Variants in CCDC30 observed in about 807,000 individuals in gnomAD.
CCDC30 encodes the protein coiled-coil domain containing 30.
CCDC30 carries 70 observed loss-of-function variants against 100.2 expected under a neutral mutation model. That is an observed-to-expected ratio of 0.70 (90% CI 0.58 to 0.85). The LOEUF (loss-of-function observed/expected upper bound fraction) is 0.85, where lower values mean the gene tolerates loss of function less well. Ranked by LOEUF, CCDC30 falls within the 40% of genes least tolerant of loss-of-function variation. The pLI, the probability that CCDC30 is intolerant of heterozygous loss-of-function variation, is 0.00. For missense variants in CCDC30, 652 were observed against 771.2 expected (o/e 0.85, Z 1.83); for synonymous variants, 233 against 269.5 (o/e 0.86, Z 1.33).
intron 1 of CCDC30, among the ~76,000 whole-genome samples, chr1:42,471,442 T>C (rs1643767957): frequency 6.6e-6 from 1 of 152,244 alleles, no homozygotes; most frequent in African/African-American, 2.4e-5. Context: ...TCCAGTCTTT[T>C]CTTTGTGTGT....
intron 11 of CCDC30, among the ~76,000 whole-genome samples, chr1:42,612,356 T>G (rs927342111): frequency 3.9e-5 from 6 of 152,094 alleles, no homozygotes; most frequent in Admixed American, 2.0e-4. Flanking sequence ...GAATATGCAT[T>G]AGAGCCCATG....
chr1:42,593,528 T>G (rs1646227874), intron 10 of CCDC30: 1 of 152,176 alleles, frequency 6.6e-6, no homozygotes, highest in Non-Finnish European at 1.5e-5. Flanking sequence ...TAACTGTTAG[T>G]GATTAACTCA....
intron 6 of CCDC30, among the ~76,000 whole-genome samples, chr1:42,519,254 G>A (rs181366284): frequency 1.1e-3 from 162 of 152,210 alleles, no homozygotes; most frequent in Non-Finnish European, 2.1e-3. Context: ...TTTTCCTGTG[G>A]TATCTTTATC....
At position 42,527,250 on chromosome 1, in the gene CCDC30, CT is replaced by C. The variant is rs201831501; in HGVS notation, c.456+28337del. Among the ~76,000 whole-genome samples, 98 of 152,322 alleles carry C rather than the reference CT, an allele frequency of 6.4e-4. No homozygotes were observed. The East Asian group carries it at 0.013, about 20-fold the overall frequency. ...TAACTTATCTGCTTGCATATCTGTGCTTTCCCACTGTGACAATCTACTAGGA... is the reference window on the plus strand; with the variant it reads ...TAACTTATCTGCTTGCATATCTGTGCTTCCCACTGTGACAATCTACTAGGA... On this transcript the variant is annotated intron_variant, in intron 6 of 16. Coordinates refer to ENST00000668663, the Ensembl canonical transcript of CCDC30.
chr1:42,521,312 T>G (rs1644642754), intron 6 of CCDC30: 1 of 154,712 alleles, frequency 6.5e-6, no homozygotes, highest in Non-Finnish European at 1.5e-5. Context: ...ACTTATTTTT[T>G]GATCCATTGG....
exon 7 of CCDC30, chr1:42,566,409 A>C: frequency 1.2e-6 from 2 of 1,614,070 alleles, no homozygotes; most frequent in Non-Finnish European, 8.5e-7. Context: ...ATGAGCTTCG[A>C]TATGAACGAG....
At chr1:42,520,068 G>T (rs1644613605) in intron 6 of CCDC30, among the ~76,000 whole-genome samples, 1 of 151,822 alleles carries the variant, frequency 6.6e-6, no homozygotes, top group Non-Finnish European at 1.5e-5. Context: ...AAAGCTTTTT[G>T]TATATTTTCT....
chr1:42,459,768 C>G (rs1385377291), upstream of CCDC30: 2 of 1,614,036 alleles, frequency 1.2e-6, no homozygotes, highest in African/African-American at 2.7e-5. Flanking sequence ...GGCTAATATC[C>G]TTGAGTCACG....
intron 6 of CCDC30, among the ~76,000 whole-genome samples, chr1:42,558,903 G>C (rs1197084901): frequency 6.6e-6 from 1 of 152,096 alleles, no homozygotes; most frequent in Non-Finnish European, 1.5e-5. Context: ...GAAAGGCCAG[G>C]TCACCTACAA....
intron 12 of CCDC30, 128 bp from the exon 17 acceptor site, chr1:42,642,339 TAGAAAC>T (rs1297661647): frequency 7.7e-6 from 5 of 648,666 alleles, no homozygotes; most frequent in Non-Finnish European, 1.2e-5. Flanking sequence ...AGCAAACAGA[TAGAAAC>T]AGACTAGGGG....
intron 9 of CCDC30, among the ~76,000 whole-genome samples, chr1:42,581,768 C>T (rs1645972183): frequency 6.6e-6 from 1 of 152,082 alleles, no homozygotes; most frequent in Admixed American, 6.6e-5. Flanking sequence ...CTGGGGCACA[C>T]CTAGTGGTAA....
chr1:42,641,084 T>C (rs1397071065), intron 12 of CCDC30, among the ~76,000 whole-genome samples: 2 of 151,838 alleles, frequency 1.3e-5, no homozygotes, highest in Non-Finnish European at 2.9e-5. Context: ...AGCAAGACCC[T>C]GTTTCTACTA....
At chr1:42,481,576 C>CAAA (rs11312516) in intron 2 of CCDC30, among the ~76,000 whole-genome samples, 1 of 110,608 alleles carries the variant, frequency 9.0e-6, no homozygotes, top group African/African-American at 3.4e-5. Context: ...AACCCTGTCT[C>CAAA]AAAAAAAAAA....
chr1:42,569,430 C>A (rs1299850906), intron 7 of CCDC30, among the ~76,000 whole-genome samples: 2 of 151,874 alleles, frequency 1.3e-5, no homozygotes, highest in Non-Finnish European at 2.9e-5. Context: ...CAATGAGATA[C>A]CATCTCATGC....
Position 42,497,175 on chromosome 1 carries a change from C to T in CCDC30, c.319C>T (p.Arg107Ter), listed in dbSNP as rs187604535. Residue 107 changes from arginine (R) to a stop codon, truncating the protein, a stop_gained, in exon 5 of 17, where the codon CGA becomes TGA. Coordinates refer to ENST00000668663, the Ensembl canonical transcript of CCDC30. LOFTEE classifies it high-confidence loss of function. ...AATTCTGGCTTTAAGAAATAGGGTT[C>T]GATCACTTGACTCAGAAAAAAAGGT... 3.2e-5 allele frequency: 40 copies of T among 1,234,092 alleles called. No homozygotes were observed. In the East Asian group the frequency reaches 6.9e-4, roughly 21 times the overall value. 76.4% of individuals were successfully genotyped at this position (1,234,092 alleles called of 1,614,324 possible).
intron 14 of CCDC30, among the ~76,000 whole-genome samples, chr1:42,645,596 G>A (rs1570345800): frequency 1.3e-5 from 2 of 152,208 alleles, no homozygotes; most frequent in Middle Eastern, 6.8e-3. Flanking sequence ...GATCCTGCTT[G>A]TTGATCACTG....
chr1:42,533,630 C>T (rs1417904839), intron 6 of CCDC30, among the ~76,000 whole-genome samples: 1 of 152,184 alleles, frequency 6.6e-6, no homozygotes, highest in Non-Finnish European at 1.5e-5. Context: ...CTACAGCATA[C>T]CCAGCACTGA....
At chr1:42,635,691 C>T (rs1247464902) in intron 11 of CCDC30, among the ~76,000 whole-genome samples, 1 of 151,926 alleles carries the variant, frequency 6.6e-6, no homozygotes, top group African/African-American at 2.4e-5. Flanking sequence ...TGCCTGTAGT[C>T]CCGCTACTCA....
chr1:42,656,249 T>G (rs1305292196), downstream of CCDC30, among the ~76,000 whole-genome samples: 1 of 152,210 alleles, frequency 6.6e-6, no homozygotes, highest in Non-Finnish European at 1.5e-5. Context: ...TTTGAATTAC[T>G]CCAGAAAACA....
Sources: gnomAD v4.1 joint callset for allele counts (sites outside exome capture counted in the v4.1 genomes callset) on GRCh38, gnomAD v4.1.1 for gene constraint, MANE v1.5 for transcripts, NCBI Gene and HGNC (gene_info 2026-07-23, HGNC 2026-07-21) for gene names.